The following ZNF385D variants were observed in gnomAD, a reference collection of about 807,000 sequenced individuals.
ZNF385D encodes zinc finger protein 659.
Under a neutral mutation model 35.8 loss-of-function variants are expected in ZNF385D, and 15 were observed. That is an observed-to-expected ratio of 0.42 (90% CI 0.28 to 0.64). The LOEUF (loss-of-function observed/expected upper bound fraction) is 0.64. ZNF385D is among the 30% of genes least tolerant of loss of function. The pLI is 0.23. For missense variants in ZNF385D, 474 were observed against 494.6 expected, an observed-to-expected ratio of 0.96 and a Z score of 0.39; for synonymous variants, 212 against 186.8, an observed-to-expected ratio of 1.13 and a Z score of -1.10.
intron 2 of ZNF385D, among the ~76,000 whole-genome samples, chr3:22,254,938 T>C (rs554936637): frequency 1.3e-5 from 2 of 151,944 alleles, no homozygotes; most frequent in African/African-American, 2.4e-5. Context: ...GTATATAGTA[T>C]AGAAAAGCTG....
chr3:21,720,689 T>G (rs565758453), intron 1 of ZNF385D, among the ~76,000 whole-genome samples: 38 of 152,288 alleles, frequency 2.5e-4, no homozygotes, highest in African/African-American at 8.9e-4. Flanking sequence ...TTGAGAAGAG[T>G]GACTTGGAGA....
chr3:21,925,030 T>C (rs572028697), intron 3 of ZNF385D, among the ~76,000 whole-genome samples: 1 of 152,296 alleles, frequency 6.6e-6, no homozygotes, highest in South Asian at 2.1e-4. Flanking sequence ...TGGAGGTACA[T>C]ACCATGTTCA....
chr3:22,298,164 T>C (rs1311049880), intron 2 of ZNF385D, among the ~76,000 whole-genome samples: 2 of 151,904 alleles, frequency 1.3e-5, no homozygotes, highest in African/African-American at 4.8e-5. Context: ...ATGTAAGCTA[T>C]TAAAGATAAA....
At chr3:21,744,129 T>G (rs1263367518) in intron 1 of ZNF385D, among the ~76,000 whole-genome samples, 1 of 152,184 alleles carries the variant, frequency 6.6e-6, no homozygotes, top group Non-Finnish European at 1.5e-5. Flanking sequence ...CTTTGTGACC[T>G]TGAGAAAGTT....
intron 3 of ZNF385D, among the ~76,000 whole-genome samples, chr3:21,828,379 A>G (rs529078649): frequency 1.3e-5 from 2 of 152,342 alleles, no homozygotes; most frequent in African/African-American, 4.8e-5. Flanking sequence ...TCTGAATGAT[A>G]TAATAAATAT....
intron 3 of ZNF385D, among the ~76,000 whole-genome samples, chr3:22,031,328 T>C (rs930219342): frequency 2.0e-5 from 3 of 152,264 alleles, no homozygotes; most frequent in African/African-American, 7.2e-5. Flanking sequence ...TGAGGGGCTC[T>C]GCCCCTGCAG....
chr3:22,307,714 C>T (rs1703308301), intron 2 of ZNF385D, among the ~76,000 whole-genome samples: 1 of 150,616 alleles, frequency 6.6e-6, no homozygotes, highest in South Asian at 2.1e-4. Context: ...TAGTCACACT[C>T]CTAGCATACC....
chr3:22,298,396 A>G (rs7622123), intron 2 of ZNF385D, among the ~76,000 whole-genome samples: 49,297 of 127,892 alleles, frequency 0.39, 8,726 homozygotes, highest in Non-Finnish European at 0.43. Flanking sequence ...GTGTGTGTGT[A>G]TATATATGTA....
At chr3:22,233,683 C>T (rs1247052050) in intron 2 of ZNF385D, among the ~76,000 whole-genome samples, 1 of 152,030 alleles carries the variant, frequency 6.6e-6, no homozygotes, top group Non-Finnish European at 1.5e-5. Flanking sequence ...TGAAATTATC[C>T]CAGTGAAAGT....
At chr3:22,108,645 T>C (rs1241819516) in intron 3 of ZNF385D, among the ~76,000 whole-genome samples, 1 of 152,132 alleles carries the variant, frequency 6.6e-6, no homozygotes, top group Non-Finnish European at 1.5e-5. Flanking sequence ...TAAGGCCAAT[T>C]CTCTCATCTG....
intron 3 of ZNF385D, among the ~76,000 whole-genome samples, chr3:21,556,238 T>G (rs1432226425): frequency 6.6e-6 from 1 of 152,128 alleles, no homozygotes; most frequent in Admixed American, 6.5e-5. Flanking sequence ...TAGATCTCAT[T>G]TGTCTATTTT....
chr3:22,178,804 G>C (rs1233805076), intron 2 of ZNF385D, among the ~76,000 whole-genome samples: 9 of 152,036 alleles, frequency 5.9e-5, no homozygotes, highest in Non-Finnish European at 8.8e-5. Flanking sequence ...TCTACATATG[G>C]CTAGCCAGTT....
chr3:21,994,583 T>C (rs73135375), intron 3 of ZNF385D, among the ~76,000 whole-genome samples: 5,306 of 152,294 alleles, frequency 0.035, 309 homozygotes, highest in African/African-American at 0.12. Context: ...TTGTGTTCCT[T>C]CAGAAATGTT....
At chr3:21,880,870 C>T (rs568115860) in intron 3 of ZNF385D, among the ~76,000 whole-genome samples, 4 of 151,680 alleles carry the variant, frequency 2.6e-5, no homozygotes, top group South Asian at 2.1e-4. Flanking sequence ...ATTGCTGATA[C>T]GAAGAAAGTT....
chr3:22,073,575 C>T (rs1304876739), intron 3 of ZNF385D, among the ~76,000 whole-genome samples: 1 of 151,886 alleles, frequency 6.6e-6, no homozygotes, highest in South Asian at 2.1e-4. Context: ...AGCAAGGGTT[C>T]TAGCCTCATT....
chr3:21,913,231 T>C (rs573799676), intron 3 of ZNF385D, among the ~76,000 whole-genome samples: 65 of 152,234 alleles, frequency 4.3e-4, no homozygotes, highest in Non-Finnish European at 7.1e-4. Context: ...GAAGGAACAG[T>C]GTCACCATGC....
intron 3 of ZNF385D, among the ~76,000 whole-genome samples, chr3:22,132,850 C>A (rs753222469): frequency 6.6e-6 from 1 of 151,894 alleles, no homozygotes; most frequent in Non-Finnish European, 1.5e-5. Context: ...TTATGTAAAG[C>A]GCTAAAGATA....
intron 3 of ZNF385D, among the ~76,000 whole-genome samples, chr3:21,523,352 G>A (rs1708034974): frequency 6.6e-6 from 1 of 152,296 alleles, no homozygotes; most frequent in East Asian, 1.9e-4. Flanking sequence ...CCAAAAGAGA[G>A]TGTACAATGA....
intron 3 of ZNF385D, among the ~76,000 whole-genome samples, chr3:21,799,089 G>C (rs925383443): frequency 1.3e-5 from 2 of 152,070 alleles, no homozygotes; most frequent in African/African-American, 4.8e-5. Context: ...AATTCACTTA[G>C]CATGTTTTCA....
Sources: allele counts gnomAD v4.1 joint callset (sites outside exome capture counted in the v4.1 genomes callset), GRCh38; gene constraint gnomAD v4.1.1; transcripts MANE v1.5; gene names NCBI Gene and HGNC (gene_info 2026-07-23, HGNC 2026-07-21).